IL1RAPL1: variants seen among roughly 807,000 people sequenced by gnomAD.
The protein encoded by IL1RAPL1 is interleukin 1 receptor accessory protein like 1.
In IL1RAPL1, 3 loss-of-function variants were observed where a neutral mutation model predicts 48.4. The observed-to-expected ratio is 0.06, with a 90% confidence interval of 0.03 to 0.16. IL1RAPL1 has a LOEUF of 0.16. Among genes scored for constraint, IL1RAPL1 ranks in the 10% least tolerant of loss-of-function variants. The pLI is 1.00. For synonymous variants in IL1RAPL1, 185 were observed against 187.7 expected, an observed-to-expected ratio of 0.99 and a Z score of 0.12; for missense variants, 349 against 530.6, an observed-to-expected ratio of 0.66 and a Z score of 3.36.
chrX:28,869,029 C>T (rs914516300), intron 2 of IL1RAPL1, among the ~76,000 whole-genome samples: 3 of 112,617 alleles, frequency 2.7e-5, no homozygotes, highest in African/African-American at 9.7e-5. Flanking sequence ...CCATGCTTTG[C>T]AGTGCTATCA....
intron 6 of IL1RAPL1, among the ~76,000 whole-genome samples, chrX:29,905,735 C>T (rs1236400871): frequency 9.0e-6 from 1 of 111,113 alleles, no homozygotes; most frequent in African/African-American, 3.3e-5. Flanking sequence ...CCATAATGAA[C>T]AATAAGGCAA....
chrX:28,779,630 GTGTGTATATA>G (rs758588001), intron 1 of IL1RAPL1, among the ~76,000 whole-genome samples: 143 of 61,094 alleles, frequency 2.3e-3, no homozygotes, highest in African/African-American at 8.5e-3. Context: ...GTGTGTGTGT[GTGTGTATATA>G]TATATATATA....
chrX:29,633,466 T>TACAC (rs753549818), intron 5 of IL1RAPL1, among the ~76,000 whole-genome samples: 4 of 98,674 alleles, frequency 4.1e-5, no homozygotes, highest in East Asian at 3.3e-4. Context: ...TCGATATATA[T>TACAC]ATACACACAC....
chrX:29,649,999 T>A (rs903514954), intron 5 of IL1RAPL1, among the ~76,000 whole-genome samples: 4 of 111,729 alleles, frequency 3.6e-5, no homozygotes, highest in Non-Finnish European at 7.6e-5. Flanking sequence ...TATTTTAAAA[T>A]CTTTATTTCT....
At chrX:28,633,967 A>G (rs1569142286) in intron 1 of IL1RAPL1, among the ~76,000 whole-genome samples, 1 of 111,621 alleles carries the variant, frequency 9.0e-6, no homozygotes, top group East Asian at 2.8e-4. Context: ...AATTGCTTTT[A>G]CTAAAAATAC....
At chrX:29,285,095 T>A (rs746535200) in intron 3 of IL1RAPL1, among the ~76,000 whole-genome samples, 1 of 112,204 alleles carries the variant, frequency 8.9e-6, no homozygotes, top group Non-Finnish European at 1.9e-5. Flanking sequence ...CATAGTATAA[T>A]ACTACATTTC....
chrX:29,925,706 T>TAA (rs58757175), intron 8 of IL1RAPL1, among the ~76,000 whole-genome samples: 1 of 102,114 alleles, frequency 9.8e-6, no homozygotes, highest in Non-Finnish European at 2.0e-5. Flanking sequence ...CCTGGCTATT[T>TAA]AAAAAAAAAA....
chrX:29,554,899 C>T (rs938938069), intron 5 of IL1RAPL1, among the ~76,000 whole-genome samples: 17 of 112,366 alleles, frequency 1.5e-4, no homozygotes, highest in African/African-American at 5.2e-4. Flanking sequence ...TTTGCTAACC[C>T]TGTCCATTGA....
At chrX:28,917,733 T>A (rs1208231842) in intron 2 of IL1RAPL1, among the ~76,000 whole-genome samples, 1 of 112,530 alleles carries the variant, frequency 8.9e-6, no homozygotes, top group African/African-American at 3.2e-5. Context: ...TAAATAATTA[T>A]TGGCTTACTG....
At chrX:28,834,478 G>C (rs1004557565) in intron 2 of IL1RAPL1, among the ~76,000 whole-genome samples, 6 of 110,719 alleles carry the variant, frequency 5.4e-5, no homozygotes, top group African/African-American at 2.0e-4. Flanking sequence ...TTCAAAAGGG[G>C]CATGAAGTTT....
chrX:29,747,432 T>C (rs1385410433), intron 6 of IL1RAPL1, among the ~76,000 whole-genome samples: 1 of 112,760 alleles, frequency 8.9e-6, no homozygotes, highest in African/African-American at 3.2e-5. Context: ...CTGTCCATGA[T>C]GGCATAAATA....
intron 1 of IL1RAPL1, among the ~76,000 whole-genome samples, chrX:28,710,281 A>G (rs1023565888): frequency 3.7e-5 from 4 of 109,074 alleles, no homozygotes; most frequent in Non-Finnish European, 5.7e-5. Flanking sequence ...TAAATAAGTA[A>G]ATTATATAAC....
At chrX:29,500,860 A>G (rs1002770407) in intron 5 of IL1RAPL1, among the ~76,000 whole-genome samples, 1 of 110,454 alleles carries the variant, frequency 9.1e-6, no homozygotes, top group Non-Finnish European at 1.9e-5. Context: ...ATAATATGGT[A>G]GCTCTATTTT....
intron 5 of IL1RAPL1, among the ~76,000 whole-genome samples, chrX:29,443,851 T>C (rs1213032096): frequency 1.8e-5 from 2 of 111,449 alleles, no homozygotes; most frequent in East Asian, 5.6e-4. Flanking sequence ...TCTAGGCTCA[T>C]TCTTATGTTG....
chrX:29,913,594 TAAGA>T lies in IL1RAPL1; in HGVS notation c.779-3867_779-3864del, dbSNP rs374469357. On this transcript the variant is annotated intron_variant, in intron 6 of 10. Coordinates refer to ENST00000378993, the MANE Select transcript of IL1RAPL1 (RefSeq NM_014271.4). ...TGCTACCACCTATGCTTTATCACTT[TAAGA>T]AATTATGTGGAAATAATCTGATCTT... Among the ~76,000 whole-genome samples, 629 of 111,400 alleles carry T rather than the reference TAAGA, an allele frequency of 5.6e-3. 4 individuals are homozygous for T. Among genetic ancestry groups the T allele is most frequent in the African/African-American group, 0.02 (605 of 30,656 alleles).
intron 2 of IL1RAPL1, among the ~76,000 whole-genome samples, chrX:28,806,523 G>A (rs750363320): frequency 8.9e-6 from 1 of 111,806 alleles, no homozygotes; most frequent in Admixed American, 9.5e-5. Flanking sequence ...ATTAGCCAAA[G>A]CAGCTGCTCA....
intron 6 of IL1RAPL1, among the ~76,000 whole-genome samples, chrX:29,708,018 C>T (rs1005881745): frequency 1.8e-5 from 2 of 109,875 alleles, no homozygotes; most frequent in Non-Finnish European, 3.8e-5. Flanking sequence ...TACAAATATA[C>T]TCACATATAT....
At chrX:29,640,904 C>T (rs1455273612) in intron 5 of IL1RAPL1, among the ~76,000 whole-genome samples, 1 of 112,071 alleles carries the variant, frequency 8.9e-6, no homozygotes, top group African/African-American at 3.2e-5. Context: ...GTGGCTCACA[C>T]CTGTAATTCC....
intron 2 of IL1RAPL1, among the ~76,000 whole-genome samples, chrX:28,924,984 T>C (rs990782755): frequency 4.5e-5 from 5 of 111,971 alleles, no homozygotes; most frequent in African/African-American, 1.6e-4. Context: ...CCATTCTGAC[T>C]TTTCGTATAC....
Sources: allele counts gnomAD v4.1 joint callset (sites outside exome capture counted in the v4.1 genomes callset), GRCh38; gene constraint gnomAD v4.1.1; transcripts MANE v1.5; gene names NCBI Gene and HGNC (gene_info 2026-07-23, HGNC 2026-07-21).